The following CNTNAP2 variants were observed in gnomAD, a reference collection of about 807,000 sequenced individuals.
The protein encoded by CNTNAP2 is contactin-associated protein-like 2.
CNTNAP2 carries 98 observed loss-of-function variants against 155.2 expected under a neutral mutation model. The ratio of observed to expected loss-of-function variants is 0.63; its 90% confidence interval spans 0.54 to 0.75. The LOEUF is 0.75. Among genes scored for constraint, CNTNAP2 ranks in the 30% least tolerant of loss-of-function variants. CNTNAP2 has a pLI of 0.00. For missense variants in CNTNAP2, 1,727 were observed against 1,688.1 expected, an observed-to-expected ratio of 1.02 and a Z score of -0.40; for synonymous variants, 651 against 631.2, an observed-to-expected ratio of 1.03 and a Z score of -0.47.
intron 21 of CNTNAP2, among the ~76,000 whole-genome samples, chr7:148,281,959 A>C (rs1479582626): frequency 3.3e-5 from 5 of 149,774 alleles, no homozygotes; most frequent in African/African-American, 1.2e-4. Context: ...TGAGTAGCTG[A>C]GACTACAGGC....
intron 2 of CNTNAP2, among the ~76,000 whole-genome samples, chr7:146,810,336 C>G (rs1226621633): frequency 8.2e-6 from 1 of 122,252 alleles, no homozygotes; most frequent in Non-Finnish European, 1.8e-5. Flanking sequence ...TTGGTATTTT[C>G]ATTTATTTGG....
intron 11 of CNTNAP2, among the ~76,000 whole-genome samples, chr7:147,545,420 T>A (rs1048187089): frequency 6.6e-6 from 1 of 152,188 alleles, no homozygotes; most frequent in Non-Finnish European, 1.5e-5. Context: ...CACAACTGTG[T>A]GTATGTGAGT....
At chr7:147,739,028 G>A (rs1218557504) in intron 13 of CNTNAP2, among the ~76,000 whole-genome samples, 1 of 151,908 alleles carries the variant, frequency 6.6e-6, no homozygotes, top group Non-Finnish European at 1.5e-5. Context: ...CTTTATTCTG[G>A]CAGTCTTGAA....
intron 15 of CNTNAP2, among the ~76,000 whole-genome samples, chr7:148,087,308 C>T (rs772389184): frequency 1.5e-4 from 23 of 151,982 alleles, no homozygotes; most frequent in African/African-American, 3.9e-4. Flanking sequence ...CCCACTATAG[C>T]GACTATATAG....
intron 20 of CNTNAP2, among the ~76,000 whole-genome samples, chr7:148,245,684 A>G (rs1796249124): frequency 6.6e-6 from 1 of 152,178 alleles, no homozygotes; most frequent in African/African-American, 2.4e-5. Context: ...CTTTCTCTCG[A>G]GTAGATTTGA....
intron 12 of CNTNAP2, among the ~76,000 whole-genome samples, chr7:147,602,920 T>C (rs1482115938): frequency 6.6e-6 from 1 of 152,178 alleles, no homozygotes; most frequent in East Asian, 1.9e-4. Flanking sequence ...TCCAAGTCTT[T>C]GCTATTGTGA....
intron 8 of CNTNAP2, among the ~76,000 whole-genome samples, chr7:147,249,000 G>A (rs944025928): frequency 6.6e-6 from 1 of 152,104 alleles, no homozygotes; most frequent in African/African-American, 2.4e-5. Flanking sequence ...TGATATTTAA[G>A]CATTGGTGGA....
intron 1 of CNTNAP2, among the ~76,000 whole-genome samples, chr7:146,617,049 T>TCG (rs1174178468): frequency 9.7e-5 from 14 of 143,680 alleles, no homozygotes; most frequent in African/African-American, 3.6e-4. Context: ...AGACGGAGTC[T>TCG]CGCTCTGTCG....
chr7:148,277,911 G>A (rs370228731), intron 21 of CNTNAP2, among the ~76,000 whole-genome samples: 9 of 151,392 alleles, frequency 5.9e-5, no homozygotes, highest in Non-Finnish European at 1.2e-4. Flanking sequence ...ACTAATCTGC[G>A]GGTCAGCTAA....
At chr7:147,972,681 T>A (rs1801354199) in intron 14 of CNTNAP2, among the ~76,000 whole-genome samples, 1 of 152,192 alleles carries the variant, frequency 6.6e-6, no homozygotes, top group Non-Finnish European at 1.5e-5. Context: ...AAATGGATGA[T>A]AGAATTTTTC....
At chr7:147,371,026 A>G (rs1280581351) in intron 9 of CNTNAP2, among the ~76,000 whole-genome samples, 1 of 152,144 alleles carries the variant, frequency 6.6e-6, no homozygotes, top group African/African-American at 2.4e-5. Flanking sequence ...ATGTGCTATA[A>G]CTGACTGTCA....
intron 12 of CNTNAP2, among the ~76,000 whole-genome samples, chr7:147,569,028 C>T (rs975782356): frequency 5.9e-5 from 9 of 152,154 alleles, no homozygotes; most frequent in Admixed American, 2.0e-4. Flanking sequence ...AAATAAAGTA[C>T]TCCTCTTGCA....
At chr7:148,297,164 A>AG (rs766010010) in intron 21 of CNTNAP2, among the ~76,000 whole-genome samples, 478 of 38,158 alleles carry the variant, frequency 0.013, 2 homozygotes, top group Middle Eastern at 0.093. Flanking sequence ...GGAGATAGAG[A>AG]AAAGGAAGGA....
At chr7:147,240,570 A>T (rs1803912881) in intron 8 of CNTNAP2, among the ~76,000 whole-genome samples, 1 of 152,134 alleles carries the variant, frequency 6.6e-6, no homozygotes. Flanking sequence ...CCTACGTTTG[A>T]CTCAGCTGTC....
intron 1 of CNTNAP2, among the ~76,000 whole-genome samples, chr7:146,502,748 G>A (rs1315974494): frequency 1.3e-5 from 2 of 151,972 alleles, no homozygotes; most frequent in Non-Finnish European, 2.9e-5. Flanking sequence ...AATAGCTGAG[G>A]CATGCTGCAA....
chr7:146,944,140 ATC>A (rs1797108978), intron 3 of CNTNAP2, among the ~76,000 whole-genome samples: 1 of 151,756 alleles, frequency 6.6e-6, no homozygotes, highest in South Asian at 2.1e-4. Flanking sequence ...ATAGACGAGT[ATC>A]AACATATATT....
intron 4 of CNTNAP2, among the ~76,000 whole-genome samples, chr7:147,059,040 CA>C (rs1799614818): frequency 6.6e-6 from 1 of 152,134 alleles, no homozygotes; most frequent in African/African-American, 2.4e-5. Flanking sequence ...TTAGCAATCC[CA>C]AACAAACCTT....
intron 1 of CNTNAP2, among the ~76,000 whole-genome samples, chr7:146,359,366 T>C (rs1795049013): frequency 6.6e-6 from 1 of 152,278 alleles, no homozygotes; most frequent in African/African-American, 2.4e-5. Flanking sequence ...TCATCTCATC[T>C]GTGGAAATCA....
chr7:147,913,841 T>A (rs1255634140), intron 14 of CNTNAP2, among the ~76,000 whole-genome samples: 1 of 152,128 alleles, frequency 6.6e-6, no homozygotes, highest in Non-Finnish European at 1.5e-5. Flanking sequence ...TGAGCATCAT[T>A]CTTTGTCCTG....
Sources: gnomAD v4.1 joint callset for allele counts (sites outside exome capture counted in the v4.1 genomes callset) on GRCh38, gnomAD v4.1.1 for gene constraint, MANE v1.5 for transcripts, NCBI Gene and HGNC (gene_info 2026-07-23, HGNC 2026-07-21) for gene names.